EFHC2: variants seen among roughly 807,000 people sequenced by gnomAD.
The protein encoded by EFHC2 is EF-hand domain containing 2.
A neutral mutation model predicts 52.7 loss-of-function variants in EFHC2; 18 were observed. That is an observed-to-expected ratio of 0.34 (90% CI 0.24 to 0.51). The LOEUF is 0.51. Among genes scored for constraint, EFHC2 ranks in the 20% least tolerant of loss-of-function variants. The probability of loss-of-function intolerance (pLI) is 0.97; values close to 1 mark genes in which losing one functional copy is unlikely to be tolerated. For synonymous variants in EFHC2, 203 were observed against 204.1 expected (o/e 0.99, Z 0.04); for missense variants, 513 against 562.5 (o/e 0.91, Z 0.89).
At chrX:44,225,259 A>AC (rs1425620120) in intron 11 of EFHC2, among the ~76,000 whole-genome samples, 6 of 110,140 alleles carry the variant, frequency 5.4e-5, no homozygotes, top group Non-Finnish European at 7.6e-5. Context: ...TTAAAAAAAA[A>AC]AAAAACAAAA....
At chrX:44,259,454 G>A (rs766955280) in intron 4 of EFHC2, among the ~76,000 whole-genome samples, 7 of 111,444 alleles carry the variant, frequency 6.3e-5, no homozygotes, top group Non-Finnish European at 1.3e-4. Context: ...GTAGATGATG[G>A]GTTGATGGGT....
intron 11 of EFHC2, among the ~76,000 whole-genome samples, chrX:44,226,797 G>C (rs1260027928): frequency 9.1e-6 from 1 of 109,677 alleles, no homozygotes; most frequent in Non-Finnish European, 1.9e-5. Context: ...TAATGTAGAT[G>C]ATGGGTTGAT....
chrX:44,211,389 G>A (rs1035155823), intron 11 of EFHC2, among the ~76,000 whole-genome samples: 8 of 110,416 alleles, frequency 7.2e-5, no homozygotes, highest in African/African-American at 1.6e-4. Context: ...TTAGCCAGGC[G>A]TGGTGGTGTG....
chrX:44,276,339 G>A (rs1480283043), intron 2 of EFHC2, among the ~76,000 whole-genome samples: 2 of 111,755 alleles, frequency 1.8e-5, no homozygotes, highest in African/African-American at 6.5e-5. Context: ...TGAGGCAGGA[G>A]GATTGCTTTA....
At chrX:44,194,797 T>C (rs191648571) in intron 11 of EFHC2, among the ~76,000 whole-genome samples, 1 of 111,454 alleles carries the variant, frequency 9.0e-6, no homozygotes, top group Non-Finnish European at 1.9e-5. Flanking sequence ...TGTGCAACTC[T>C]AGCAGGCGCT....
At chrX:44,312,506 C>T (rs768505874) in intron 2 of EFHC2, 62 bp downstream of exon 2, 1 of 967,029 alleles carries the variant, frequency 1.0e-6, no homozygotes, top group Admixed American at 3.7e-5. Flanking sequence ...TTTCTCAAAA[C>T]TAAATTATTT....
At chrX:44,288,124 A>G (rs1160649555) in intron 2 of EFHC2, among the ~76,000 whole-genome samples, 2 of 111,824 alleles carry the variant, frequency 1.8e-5, no homozygotes, top group African/African-American at 6.5e-5. Context: ...TTAAAAATCA[A>G]TAGAAGAGTC....
At chrX:44,271,995 A>C (rs747888221) in intron 3 of EFHC2, among the ~76,000 whole-genome samples, 1 of 112,234 alleles carries the variant, frequency 8.9e-6, no homozygotes, top group Non-Finnish European at 1.9e-5. Flanking sequence ...CTGTCCCCTG[A>C]AGTCATTCAG....
chrX:44,286,559 AAG>A (rs754052829), intron 2 of EFHC2, among the ~76,000 whole-genome samples: 12 of 110,959 alleles, frequency 1.1e-4, no homozygotes, highest in African/African-American at 3.9e-4. Flanking sequence ...ATAGAATACA[AAG>A]AGTTTCCCAA....
intron 4 of EFHC2, among the ~76,000 whole-genome samples, chrX:44,253,472 C>CG (rs2037469169): frequency 9.0e-6 from 1 of 111,275 alleles, no homozygotes; most frequent in Admixed American, 9.5e-5. Flanking sequence ...CTTGTGTAGG[C>CG]GGTTTTCCCC....
intron 1 of EFHC2, among the ~76,000 whole-genome samples, chrX:44,327,544 T>C (rs1299030747): frequency 3.6e-5 from 4 of 112,126 alleles, no homozygotes; most frequent in Non-Finnish European, 7.5e-5. Flanking sequence ...TTCTATTCTG[T>C]GAATAGTGTG....
chrX:44,248,970 T>C, intron 5 of EFHC2, 54 bp from the exon 6 acceptor site: 1 of 881,483 alleles, frequency 1.1e-6, no homozygotes, highest in African/African-American at 2.0e-5. Flanking sequence ...TTCCCTTTCT[T>C]ACTATAACCC....
chrX:44,334,409 T>G (rs1300357554), intron 1 of EFHC2, among the ~76,000 whole-genome samples: 2 of 112,562 alleles, frequency 1.8e-5, no homozygotes, highest in Non-Finnish European at 3.8e-5. Context: ...TCTAGCATAG[T>G]AGACAGCAAT....
chrX:44,238,696 A>G (rs1436688918), intron 8 of EFHC2, among the ~76,000 whole-genome samples: 1 of 110,953 alleles, frequency 9.0e-6, no homozygotes, highest in African/African-American at 3.3e-5. Flanking sequence ...CCTGGAGCAC[A>G]TTTCCTCTCC....
intron 2 of EFHC2, among the ~76,000 whole-genome samples, chrX:44,282,637 T>TGGGG (rs1569300372): frequency 6.1e-4 from 1 of 1,639 alleles, no homozygotes; most frequent in African/African-American, 1.5e-3. Flanking sequence ...GGGGGGGGGG[T>TGGGG]GGGGGGGGGT....
chrX:44,272,591 C>G, intron 3 of EFHC2, 95 bp downstream of exon 3: 1 of 914,659 alleles, frequency 1.1e-6, no homozygotes, highest in Non-Finnish European at 1.5e-6. Flanking sequence ...ACAGCCTAAA[C>G]AGTAGCATGC....
chrX:44,228,655 G>T (rs1242048152), intron 11 of EFHC2, among the ~76,000 whole-genome samples: 6 of 111,998 alleles, frequency 5.4e-5, no homozygotes, highest in Non-Finnish European at 3.8e-5. Flanking sequence ...ACACAAAAGA[G>T]CTTTGTTAAA....
Position 44,172,227 on chromosome X carries a change from C to G in EFHC2, c.2042+4065G>C, listed in dbSNP as rs2036751244. ...CAGAGCTGCTGGGGAAAGAGTTGCA[C>G]TTGAATCTCTAGTTATTCCAAGTCT... On this transcript the variant is annotated intron_variant, in intron 13 of 14. Coordinates refer to ENST00000420999, the MANE Select transcript of EFHC2 (RefSeq NM_025184.4). 3.6e-5 allele frequency among the ~76,000 whole-genome samples: 4 copies of G among 111,946 alleles called. No individual in the cohort carries two copies. In the Admixed American group the frequency reaches 3.8e-4, roughly 11 times the overall value.
intron 14 of EFHC2, among the ~76,000 whole-genome samples, chrX:44,160,280 T>G (rs1263714621): frequency 9.1e-6 from 1 of 110,153 alleles, no homozygotes; most frequent in Non-Finnish European, 1.9e-5. Flanking sequence ...GGTCATGAAA[T>G]CAATTTAATG....
Sources: allele counts gnomAD v4.1 joint callset (sites outside exome capture counted in the v4.1 genomes callset), GRCh38; gene constraint gnomAD v4.1.1; transcripts MANE v1.5; gene names NCBI Gene and HGNC (gene_info 2026-07-23, HGNC 2026-07-21).